Variants in GOLGA3 observed in about 807,000 individuals in gnomAD.
GOLGA3 encodes the protein golgin A3.
In GOLGA3, 75 loss-of-function variants were observed where a neutral mutation model predicts 169.4. The observed-to-expected ratio is 0.44, with a 90% CI of 0.37 to 0.54. The LOEUF (loss-of-function observed/expected upper bound fraction) is 0.54, where lower values mean the gene tolerates loss of function less well. Ranked by LOEUF, GOLGA3 falls within the 20% of genes least tolerant of loss-of-function variation. The pLI is 0.00. For missense variants in GOLGA3, 1,899 were observed against 1,930.0 expected (o/e 0.98, Z 0.30); for synonymous variants, 824 against 822.4 (o/e 1.00, Z -0.03).
Position 132,798,518 on chromosome 12 carries a change from C to T in GOLGA3, c.1801-41G>A, listed in dbSNP as rs774913159. On this transcript the variant is annotated intron_variant, in intron 8 of 23. Coordinates refer to ENST00000450791, the MANE Select transcript of GOLGA3 (RefSeq NM_001389683.1). ...CACAAAGTAAAAAGTTGCTCAATTTCAAGCAAGAAATGCAGACCAGCCTGT... is the reference window on the plus strand; with the variant it reads ...CACAAAGTAAAAAGTTGCTCAATTTTAAGCAAGAAATGCAGACCAGCCTGT... 17 of 1,574,914 alleles carry T rather than the reference C, an allele frequency of 1.1e-5. No homozygotes were observed. In the East Asian group the frequency reaches 1.3e-4, roughly 12 times the overall value.
intron 2 of GOLGA3, 76 bp from the exon 3 acceptor site, chr12:132,816,888 G>A (rs1053686285): frequency 2.3e-6 from 3 of 1,307,946 alleles, no homozygotes; most frequent in East Asian, 2.5e-5. Context: ...TGCAGCTGGA[G>A]TAGGAGAGAA....
chr12:132,789,893 C>T (rs909758529), intron 12 of GOLGA3, among the ~76,000 whole-genome samples: 1 of 152,050 alleles, frequency 6.6e-6, no homozygotes, highest in Admixed American at 6.6e-5. Flanking sequence ...ACTAGCCAGG[C>T]GTGGTGGTGC....
chr12:132,827,748 T>C (rs1045108419), intron 1 of GOLGA3: 1 of 152,126 alleles, frequency 6.6e-6, no homozygotes, highest in Admixed American at 6.6e-5. Flanking sequence ...AAGCGCTATG[T>C]TGATGTCGTT....
intron 2 of GOLGA3, among the ~76,000 whole-genome samples, chr12:132,820,228 A>AC (rs1950152854): frequency 1.3e-5 from 2 of 151,726 alleles, no homozygotes; most frequent in African/African-American, 4.8e-5. Context: ...AGTCACCGCT[A>AC]CCCCAGAGAC....
In GOLGA3 at chr12:132,786,459, G is replaced by C; in HGVS notation, c.3003C>G (p.Asn1001Lys). 1.2e-6 allele frequency: 2 copies of C among 1,613,618 alleles called. No homozygotes were observed. Among genetic ancestry groups the C allele is most frequent in the South Asian group, 2.2e-5 (2 of 91,070 alleles). Residue 1001 changes from asparagine (N) to lysine (K), a missense_variant, in exon 15 of 24, where the codon AAC becomes AAG. By Grantham distance (94) the Asn-to-Lys change is moderately conservative. Transcript: ENST00000450791. The stretch of plus-strand genomic sequence containing the variant: ...GGCGGCGGCTGAGGATGCCCACGGC[G>C]TTCTCGTAGGCCTTATGTTTGGTCT... ...EMKTKHKAYE[N>K]AVGILSRRLQ...
intron 1 of GOLGA3, among the ~76,000 whole-genome samples, chr12:132,823,783 C>T (rs1950309369): frequency 7.2e-6 from 1 of 138,352 alleles, no homozygotes; most frequent in East Asian, 2.1e-4. Context: ...GTGGAAACTC[C>T]GTCTAAAAAA....
intron 23 of GOLGA3, 81 bp downstream of exon 23, chr12:132,774,076 C>G: frequency 1.5e-6 from 2 of 1,314,792 alleles, no homozygotes; most frequent in South Asian, 2.8e-5. Flanking sequence ...GCACTCAGTA[C>G]TGGCACCAGG....
Position 132,786,472 on chromosome 12 carries a change from T to C in GOLGA3, c.2990A>G (p.Lys997Arg). The C allele has an allele frequency of 6.2e-7, 1 of 1,613,724 alleles. No homozygotes were observed. The highest frequency in any genetic ancestry group is 8.5e-7 in the Non-Finnish European group (1 of 1,179,930). The change falls in exon 15 of 24, where the codon AAG becomes AGG. Residue 997 changes from lysine (K) to arginine (R), a missense_variant. By Grantham distance (26) the Lys-to-Arg change is conservative (BLOSUM62 2). Transcript: ENST00000450791. ...GATGCCCACGGCGTTCTCGTAGGCC[T>C]TATGTTTGGTCTTCATCTCCTTCTG... ...SAQKEMKTKH[K>R]AYENAVGILS...
At chr12:132,828,885 T>C (rs1179301017), upstream of GOLGA3, 2 of 152,180 alleles carry the variant, frequency 1.3e-5, no homozygotes, top group African/African-American at 2.4e-5. Context: ...GGGCGAGCGG[T>C]GCATCGGCCT....
intron 1 of GOLGA3, 137 bp from the exon 2 acceptor site, chr12:132,822,448 G>C (rs1950257136): frequency 1.8e-6 from 1 of 541,858 alleles, no homozygotes; most frequent in Non-Finnish European, 3.1e-6. Context: ...AATAATCCTG[G>C]AGCACCCACA....
chr12:132,790,986 G>C (rs1389815997), intron 12 of GOLGA3, among the ~76,000 whole-genome samples: 1 of 137,036 alleles, frequency 7.3e-6, no homozygotes, highest in Non-Finnish European at 1.5e-5. Flanking sequence ...GGGAGGCAGA[G>C]CTTGCAGTGA....
intron 11 of GOLGA3, among the ~76,000 whole-genome samples, chr12:132,793,685 C>T (rs1195410565): frequency 1.5e-5 from 2 of 133,032 alleles, no homozygotes; most frequent in African/African-American, 2.9e-5. Flanking sequence ...CACAGACCCA[C>T]CGCACGGGAC....
At position 132,790,672 on chromosome 12, in the gene GOLGA3, C is replaced by T. The variant is rs185681410; in HGVS notation, c.2547+544G>A. ...TGCTGACAGGCGCTCCAGTGACAGC[C>T]GCCCCTGGAGATCTGAGGGGCCAAG... On this transcript the variant is annotated intron_variant, in intron 12 of 23. Transcript: ENST00000450791. Among the ~76,000 whole-genome samples, 916 of 152,168 alleles carry T rather than the reference C, an allele frequency of 6.0e-3. 6 individuals carry two copies. The highest frequency in any genetic ancestry group is 8.7e-3 in the Non-Finnish European group (595 of 68,010).
Position 132,824,560 on chromosome 12 carries a change from CAG to C in GOLGA3, c.-183-2251_-183-2250del, listed in dbSNP as rs201783723. ...ACAAAGGATCCTAGATGTCTTGACT[CAG>C]GGTGCCTGGCACATAAAAATATTTA... On this transcript the variant is annotated intron_variant, in intron 1 of 23. Coordinates refer to ENST00000450791, the MANE Select transcript of GOLGA3 (RefSeq NM_001389683.1). Among the ~76,000 whole-genome samples, 936 of 152,310 alleles carry C rather than the reference CAG, an allele frequency of 6.1e-3. 3 individuals carry two copies. The highest frequency in any genetic ancestry group is 0.017 in the South Asian group (80 of 4,824).
intron 2 of GOLGA3, among the ~76,000 whole-genome samples, chr12:132,818,649 G>C (rs1157712901): frequency 6.6e-6 from 1 of 152,196 alleles, no homozygotes. Flanking sequence ...AAACACAGCT[G>C]ACAATCTTTC....
At chr12:132,810,216 C>G (rs1476452464) in intron 4 of GOLGA3, among the ~76,000 whole-genome samples, 2 of 152,152 alleles carry the variant, frequency 1.3e-5, no homozygotes, top group Non-Finnish European at 2.9e-5. Flanking sequence ...CCACTGCACT[C>G]CAGCCTGGGT....
chr12:132,785,612 C>T (rs2045857264), intron 15 of GOLGA3, among the ~76,000 whole-genome samples: 1 of 152,140 alleles, frequency 6.6e-6, no homozygotes. Context: ...CGTGCCCGGC[C>T]GAGTTTATTT....
chr12:132,801,987 C>T lies in GOLGA3; in HGVS notation c.1598-18G>A. The T allele has an allele frequency of 6.3e-7, 1 of 1,587,348 alleles. No individual in the cohort carries two copies. Among genetic ancestry groups the T allele is most frequent in the Non-Finnish European group, 8.5e-7 (1 of 1,170,654 alleles). ...GTCGTGCACTGAAATGGGGCAAGCA[C>T]AGCGGCTCAGGCCAGCGACGGCCAA... On this transcript the variant is annotated intron_variant, in intron 7 of 23. Transcript: ENST00000450791.
intron 13 of GOLGA3, 83 bp downstream of exon 13, chr12:132,788,944 G>GCCCCCGACACAGGCCCCC: frequency 1.1e-5 from 2 of 186,846 alleles, no homozygotes; most frequent in South Asian, 6.1e-5. Flanking sequence ...CACAGGCCCC[G>GCCCCCGACACAGGCCCCC]CCCCAGACAC....
Sources: allele counts gnomAD v4.1 joint callset (sites outside exome capture counted in the v4.1 genomes callset), GRCh38; gene constraint gnomAD v4.1.1; transcripts MANE v1.5; gene names NCBI Gene and HGNC (gene_info 2026-07-23, HGNC 2026-07-21).